The following BCAR1 variants were observed in gnomAD, a reference collection of about 807,000 sequenced individuals.
BCAR1 encodes BCAR1 scaffold protein, Cas family member.
A neutral mutation model predicts 67.6 loss-of-function variants in BCAR1; 30 were observed. That is an observed-to-expected ratio of 0.44 (90% CI 0.33 to 0.60). The LOEUF (loss-of-function observed/expected upper bound fraction) is 0.60, where lower values mean the gene tolerates loss of function less well. BCAR1 is among the 20% of genes least tolerant of loss of function. The probability of loss-of-function intolerance (pLI) is 0.02; values close to 1 mark genes in which losing one functional copy is unlikely to be tolerated. For missense variants in BCAR1, 1,313 were observed against 1,222.3 expected, an observed-to-expected ratio of 1.07 and a Z score of -1.11; for synonymous variants, 626 against 556.7, an observed-to-expected ratio of 1.12 and a Z score of -1.75.
chr16:75,242,619 T>C lies in BCAR1; in HGVS notation c.484A>G (p.Thr162Ala), dbSNP rs2077384399. The stretch of plus-strand genomic sequence containing the variant: ...CCTGGGGGCACCTGGTACAGGTCTG[T>C]GGCCGGGCTGGGAAACGGGTGATGG... ...TPHHPFPSPA[T>A]DLYQVPPGPG... Residue 162 changes from threonine (T) to alanine (A), a missense_variant, in exon 2 of 7, where the codon ACA becomes GCA. Thr to Ala is a moderately conservative substitution (Grantham distance 58). Around this residue, in one of 2 missense-constraint regions of BCAR1, gnomAD observed 1,272 missense variants for 1,137.5 expected, o/e 1.12. Transcript: ENST00000162330. 1.3e-6 allele frequency: 2 copies of C among 1,513,048 alleles called. No homozygotes were observed. The highest frequency in any genetic ancestry group is 1.4e-5 in the African/African-American group (1 of 71,484). 93.7% of individuals were successfully genotyped at this position (1,513,048 alleles called of 1,614,324 possible).
upstream of BCAR1, chr16:75,252,486 G>T (rs1057046109): frequency 5.3e-6 from 7 of 1,316,140 alleles, no homozygotes; most frequent in South Asian, 7.8e-5. Flanking sequence ...CCCCTTGCTC[G>T]GTTGCAGGTC....
intron 1 of BCAR1, among the ~76,000 whole-genome samples, chr16:75,260,265 A>C (rs2077874609): frequency 6.6e-6 from 1 of 152,230 alleles, no homozygotes; most frequent in Admixed American, 6.5e-5. Flanking sequence ...GTTTAAGAAC[A>C]GGCAAACTTA....
rs571366646 is a variant in BCAR1, at chr16:75,229,123, T to C, written c.*388A>G. ...AAAATAGTTCTTCAGGTTCTTCTCC[T>C]GGTAAGGCGGAGGACACACCAAACT... On this transcript the variant is annotated 3_prime_UTR_variant, in exon 7 of 7. Coordinates refer to ENST00000162330, the MANE Select transcript of BCAR1 (RefSeq NM_014567.5). The C allele has an allele frequency of 5.0e-6, 1 of 200,752 alleles. No individual in the cohort carries two copies. Among genetic ancestry groups the C allele is most frequent in the Non-Finnish European group, 9.9e-6 (1 of 100,798 alleles). The allele number at this position is 200,752 out of a possible 1,614,324, so 12.4% of individuals were successfully genotyped here.
chr16:75,237,952 G>C, intron 2 of BCAR1: 1 of 1,051,350 alleles, frequency 9.5e-7, no homozygotes, highest in Non-Finnish European at 1.3e-6. Flanking sequence ...CGCAGCAGCT[G>C]GGACCAAGGC....
chr16:75,238,401 G>A lies in BCAR1; in HGVS notation c.634-1057C>T, dbSNP rs944218944. The A allele has an allele frequency of 4.7e-6, 5 of 1,073,540 alleles. No individual in the cohort carries two copies. In the African/African-American group the frequency reaches 8.6e-5, roughly 18 times the overall value. The allele number at this position is 1,073,540 out of a possible 1,614,324, so 66.5% of individuals were successfully genotyped here. ...ATGTCTGGGACAGGGTTGACTCAGG[G>A]CCTCCCCGCACATCCCCCAGGGCAG... On this transcript the variant is annotated intron_variant, in intron 2 of 6. Transcript: ENST00000162330.
chr16:75,236,781 G>T, intron 4 of BCAR1, 101 bp downstream of exon 4: 1 of 1,446,412 alleles, frequency 6.9e-7, no homozygotes, highest in Non-Finnish European at 9.1e-7. Context: ...CTTCCTGCCC[G>T]CCACCCCCAG....
At chr16:75,251,402 G>C in intron 1 of BCAR1, 69 bp downstream of exon 1, 3 of 1,473,682 alleles carry the variant, frequency 2.0e-6, no homozygotes, top group Non-Finnish European at 2.7e-6. Context: ...AATGCCGCTC[G>C]CTTAACCCCT....
At chr16:75,252,246 T>A (rs1013997403), upstream of BCAR1, 2 of 1,536,582 alleles carry the variant, frequency 1.3e-6, no homozygotes, top group Non-Finnish European at 1.7e-6. Context: ...TTCCCCTGCA[T>A]TGTGCCGACA....
At chr16:75,233,990 A>G in intron 5 of BCAR1, 55 bp from the exon 6 acceptor site, 1 of 1,525,440 alleles carries the variant, frequency 6.6e-7, no homozygotes. Flanking sequence ...CCAGAAGCAC[A>G]GGCCAGCCCT....
intron 2 of BCAR1, among the ~76,000 whole-genome samples, chr16:75,240,450 C>T (rs879882662): frequency 2.0e-5 from 3 of 152,192 alleles, no homozygotes; most frequent in African/African-American, 4.8e-5. Context: ...AAGTCCAAGG[C>T]GGCTCAGGGA....
At chr16:75,253,474 G>T (rs946934231), upstream of BCAR1, among the ~76,000 whole-genome samples, 1 of 152,158 alleles carries the variant, frequency 6.6e-6, no homozygotes, top group African/African-American at 2.4e-5. Flanking sequence ...GCCAAGGAGG[G>T]CGGTGCAGAG....
Position 75,235,716 on chromosome 16 carries a change from G to A in BCAR1, c.1183C>T (p.Leu395Phe), listed in dbSNP as rs964922206. Residue 395 changes from leucine to phenylalanine, a missense_variant, in exon 5 of 7, where the codon CTT (leucine) becomes TTT (phenylalanine). This residue lies in a region of BCAR1 where 1,272 missense variants were observed against 1,137.5 expected (regional missense o/e 1.12). Transcript: ENST00000162330. ...CCACCATCAGCCACCTCAGGAGGAA[G>A]CACCCGTTCACGGGGCACATCGTAC... The part of the protein sequence containing the change: ...TLYDVPRERV[L>F]PPEVADGGVV... The A allele has an allele frequency of 6.2e-7, 1 of 1,609,240 alleles. No individual in the cohort carries two copies.
At chr16:75,233,699 G>T in intron 6 of BCAR1, 147 bp downstream of exon 6, 1 of 696,594 alleles carries the variant, frequency 1.4e-6, no homozygotes, top group Non-Finnish European at 2.4e-6. Flanking sequence ...TGGTCAGGAG[G>T]CAGGGGGGTG....
At chr16:75,237,410 C>T in intron 2 of BCAR1, 66 bp from the exon 3 acceptor site, 2 of 1,397,174 alleles carry the variant, frequency 1.4e-6, no homozygotes, top group African/African-American at 1.5e-5. Context: ...CCACTCACAC[C>T]TGGGAGCCAC....
At chr16:75,241,640 TC>T (rs1226575651) in intron 2 of BCAR1, among the ~76,000 whole-genome samples, 2 of 151,930 alleles carry the variant, frequency 1.3e-5, no homozygotes, top group African/African-American at 2.4e-5. Context: ...GTCCATGGAG[TC>T]CCCCACCCGC....
Position 75,235,895 on chromosome 16 carries a change from T to G in BCAR1, c.1004A>C (p.Lys335Thr). 6.4e-7 allele frequency: 1 copy of G among 1,563,662 alleles called. No individual in the cohort carries two copies. Among genetic ancestry groups the G allele is most frequent in the Admixed American group, 1.9e-5 (1 of 52,324 alleles). Residue 335 changes from lysine to threonine, a missense_variant, in exon 5 of 7, where the codon AAG becomes ACG. Coordinates refer to ENST00000162330, the MANE Select transcript of BCAR1 (RefSeq NM_014567.5). The stretch of plus-strand genomic sequence containing the variant: ...GCGGGCCGGGTCAAAGGGCTTGGCC[T>G]TGGCGAAGGCGGGGGGCACATCGTA... Reference protein sequence around the residue: ...ETYDVPPAFAKAKPFDPARTP... With the variant: ...ETYDVPPAFATAKPFDPARTP...
intron 1 of BCAR1, 44 bp downstream of exon 1, chr16:75,251,427 G>A: frequency 2.7e-6 from 4 of 1,471,178 alleles, no homozygotes; most frequent in Admixed American, 2.4e-5. Flanking sequence ...GCCCGCTGCC[G>A]CCTCCAAGCC....
intron 1 of BCAR1, among the ~76,000 whole-genome samples, chr16:75,267,404 G>GA (rs1293999223): frequency 7.5e-6 from 1 of 133,200 alleles, no homozygotes; most frequent in Non-Finnish European, 1.6e-5. Context: ...CGGGGGGGGG[G>GA]TGGGGGGCCT....
At chr16:75,253,749 G>C (rs1219947886), upstream of BCAR1, among the ~76,000 whole-genome samples, 1 of 151,648 alleles carries the variant, frequency 6.6e-6, no homozygotes, top group East Asian at 2.0e-4. Context: ...GCTGGGGGGT[G>C]GGGGAGGAGC....
Sources: allele counts gnomAD v4.1 joint callset (sites outside exome capture counted in the v4.1 genomes callset), GRCh38; gene constraint gnomAD v4.1.1; regional missense constraint gnomAD v4.1.1; transcripts MANE v1.5; gene names NCBI Gene and HGNC (gene_info 2026-07-23, HGNC 2026-07-21).